The following GRIK2 variants were observed in gnomAD, a reference collection of about 807,000 sequenced individuals.
GRIK2 encodes the protein glutamate receptor ionotropic, kainate 2.
Under a neutral mutation model 100.3 loss-of-function variants are expected in GRIK2, and 32 were observed. The observed-to-expected ratio is 0.32, with a 90% CI of 0.24 to 0.43. The LOEUF (loss-of-function observed/expected upper bound fraction) is 0.43. GRIK2 is among the 20% of genes least tolerant of loss of function. The pLI, the probability that GRIK2 is intolerant of heterozygous loss-of-function variation, is 1.00. For synonymous variants in GRIK2, 417 were observed against 389.4 expected (o/e 1.07, Z -0.83); for missense variants, 843 against 1,114.9 (o/e 0.76, Z 3.47).
At chr6:101,825,201 G>T (rs1344295008) in intron 10 of GRIK2, among the ~76,000 whole-genome samples, 2 of 152,156 alleles carry the variant, frequency 1.3e-5, no homozygotes, top group Non-Finnish European at 2.9e-5. Context: ...TCAAACTAAA[G>T]TCTTCTCCAA....
intron 7 of GRIK2, among the ~76,000 whole-genome samples, chr6:101,691,120 A>G (rs944135956): frequency 1.3e-5 from 2 of 152,064 alleles, no homozygotes; most frequent in Non-Finnish European, 2.9e-5. Flanking sequence ...GAATAAATGC[A>G]TTTGTTAATT....
chr6:101,394,301 C>A (rs187883740), intron 1 of GRIK2, among the ~76,000 whole-genome samples: 36 of 152,294 alleles, frequency 2.4e-4, no homozygotes, highest in African/African-American at 8.7e-4. Flanking sequence ...TTTATTTTAA[C>A]CGGCACCCGT....
In GRIK2 at chr6:101,739,891, A is replaced by G. The variant is rs574951414; in HGVS notation, c.951+53538A>G. ...CCGAAAAGTATAAGGAGGCTGTTAA[A>G]TCTGTGGTTTTGGAGCAGGGATTTT... On this transcript the variant is annotated intron_variant, in intron 7 of 16. Coordinates refer to ENST00000369134, the MANE Select transcript of GRIK2 (RefSeq NM_021956.5). Among the ~76,000 whole-genome samples, 32 of 152,154 alleles carry G rather than the reference A, an allele frequency of 2.1e-4. No individual in the cohort carries two copies. The South Asian group carries it at 5.8e-3, about 28-fold the overall frequency.
intron 10 of GRIK2, among the ~76,000 whole-genome samples, chr6:101,836,030 G>A (rs955645811): frequency 1.4e-4 from 21 of 150,770 alleles, no homozygotes; most frequent in East Asian, 7.9e-4. Context: ...GACCTTATAT[G>A]CCCAAAAACA....
Position 101,727,069 on chromosome 6 carries a change from T to C in GRIK2, c.951+40716T>C, listed in dbSNP as rs556858916. Among the ~76,000 whole-genome samples, 266 of 152,200 alleles carry C rather than the reference T, an allele frequency of 1.7e-3. 1 individual carries two copies. Among genetic ancestry groups the C allele is most frequent in the African/African-American group, 6.2e-3 (257 of 41,556 alleles). ...GACATTTTATATGTCTCAGATTAAA[T>C]ATTATTTTGTGGTGGTAAAATGTAA... On this transcript the variant is annotated intron_variant, in intron 7 of 16. Transcript: ENST00000369134.
intron 7 of GRIK2, among the ~76,000 whole-genome samples, chr6:101,795,632 G>C (rs1306053430): frequency 6.6e-6 from 1 of 152,220 alleles, no homozygotes; most frequent in Admixed American, 6.5e-5. Context: ...GACCACCCTT[G>C]GACTCTCAGG....
At chr6:101,660,805 G>C (rs915801268) in intron 4 of GRIK2, among the ~76,000 whole-genome samples, 3 of 152,118 alleles carry the variant, frequency 2.0e-5, no homozygotes, top group Non-Finnish European at 1.5e-5. Flanking sequence ...ACCAGTGGAG[G>C]CTGCAGAACA....
chr6:101,904,009 A>G (rs1054556042), intron 12 of GRIK2, among the ~76,000 whole-genome samples: 2 of 151,560 alleles, frequency 1.3e-5, no homozygotes, highest in African/African-American at 4.8e-5. Flanking sequence ...TCTTGCAATA[A>G]AGAAATCTGA....
chr6:101,947,053 G>A (rs1165652354), intron 14 of GRIK2, among the ~76,000 whole-genome samples: 1 of 152,096 alleles, frequency 6.6e-6, no homozygotes, highest in Non-Finnish European at 1.5e-5. Flanking sequence ...TTCCAAAAGA[G>A]TCAAAGAAAT....
At chr6:102,011,752 T>A (rs956891952) in intron 14 of GRIK2, among the ~76,000 whole-genome samples, 3 of 151,110 alleles carry the variant, frequency 2.0e-5, no homozygotes, top group East Asian at 2.0e-4. Context: ...GCCCGGCTAA[T>A]TTTTTTTGTA....
chr6:101,566,189 T>A (rs896426571), intron 2 of GRIK2, among the ~76,000 whole-genome samples: 1 of 151,562 alleles, frequency 6.6e-6, no homozygotes, highest in African/African-American at 2.4e-5. Flanking sequence ...CCCATGTTGT[T>A]CAAGAGCCAA....
chr6:101,596,212 T>C (rs1778921949), intron 2 of GRIK2, among the ~76,000 whole-genome samples: 1 of 151,056 alleles, frequency 6.6e-6, no homozygotes, highest in Admixed American at 6.6e-5. Context: ...AATCCTTTTT[T>C]TTTTTCTTGC....
intron 2 of GRIK2, among the ~76,000 whole-genome samples, chr6:101,517,878 A>G (rs1194294647): frequency 6.6e-6 from 1 of 152,134 alleles, no homozygotes; most frequent in Non-Finnish European, 1.5e-5. Flanking sequence ...ATGTTTAGGG[A>G]AAGAGTCAAT....
At chr6:101,435,505 A>C (rs1354945726) in intron 2 of GRIK2, among the ~76,000 whole-genome samples, 1 of 150,772 alleles carries the variant, frequency 6.6e-6, no homozygotes, top group Non-Finnish European at 1.5e-5. Flanking sequence ...CAGTTTTTTC[A>C]TTGTGGTCCA....
intron 14 of GRIK2, among the ~76,000 whole-genome samples, chr6:101,949,605 G>A (rs542505912): frequency 6.6e-5 from 10 of 152,132 alleles, no homozygotes; most frequent in African/African-American, 2.4e-4. Context: ...GAGAATGTGT[G>A]GTGTTTGGTT....
chr6:101,685,886 A>G (rs1414182124), intron 6 of GRIK2, among the ~76,000 whole-genome samples: 4 of 152,152 alleles, frequency 2.6e-5, no homozygotes, highest in African/African-American at 7.2e-5. Flanking sequence ...TATCCTAAAC[A>G]GAGAGAAGAA....
chr6:101,675,695 A>C (rs919842018), intron 4 of GRIK2, among the ~76,000 whole-genome samples: 1 of 152,150 alleles, frequency 6.6e-6, no homozygotes, highest in Admixed American at 6.6e-5. Context: ...TATTGGAAAT[A>C]TATTCATTAA....
At chr6:101,835,710 C>A (rs1486827298) in intron 10 of GRIK2, among the ~76,000 whole-genome samples, 6 of 147,828 alleles carry the variant, frequency 4.1e-5, no homozygotes, top group African/African-American at 1.2e-4. Context: ...GGTGATCCAC[C>A]CGCCTCGGCC....
intron 7 of GRIK2, among the ~76,000 whole-genome samples, chr6:101,734,676 C>T (rs1335337157): frequency 6.6e-6 from 1 of 152,120 alleles, no homozygotes; most frequent in African/African-American, 2.4e-5. Context: ...GAGGCTGGAG[C>T]AGATCCTACA....
Sources: allele counts gnomAD v4.1 joint callset (sites outside exome capture counted in the v4.1 genomes callset), GRCh38; gene constraint gnomAD v4.1.1; transcripts MANE v1.5; gene names NCBI Gene and HGNC (gene_info 2026-07-23, HGNC 2026-07-21).